Variants in TMEM182 observed in about 807,000 individuals in gnomAD.
TMEM182 encodes the protein transmembrane protein 182.
In TMEM182, 20 loss-of-function variants were observed where a neutral mutation model predicts 26.8. That is an observed-to-expected ratio of 0.75 (90% CI 0.53 to 1.09). TMEM182 has a LOEUF of 1.09. TMEM182 is among the 50% of genes least tolerant of loss of function. The pLI, the probability that TMEM182 is intolerant of heterozygous loss-of-function variation, is 0.00. For missense variants in TMEM182, 277 were observed against 275.5 expected (o/e 1.01, Z -0.04); for synonymous variants, 109 against 102.2 (o/e 1.07, Z -0.40).
intron 3 of TMEM182, among the ~76,000 whole-genome samples, chr2:102,789,954 C>CA (rs1464042050): frequency 6.6e-6 from 1 of 152,172 alleles, no homozygotes; most frequent in Non-Finnish European, 1.5e-5. Flanking sequence ...GAATTGTAGA[C>CA]AAACGCTGAG....
Position 102,815,328 on chromosome 2 carries a change from A to G in TMEM182, c.*360A>G. On this transcript the variant is annotated 3_prime_UTR_variant, in exon 5 of 5. Transcript: ENST00000412401. The stretch of plus-strand genomic sequence containing the variant: ...TTGGCTTAAAGTCTCCTTGGCATTC[A>G]CTTCTGCTAATTAAAAAAAATCCTT... The G allele has an allele frequency of 1.0e-6, 1 of 1,001,818 alleles. No homozygotes were observed. Among genetic ancestry groups the G allele is most frequent in the Non-Finnish European group, 1.2e-6 (1 of 841,258 alleles). The allele number at this position is 1,001,818 out of a possible 1,614,324, so 62.1% of individuals were successfully genotyped here.
intron 3 of TMEM182, among the ~76,000 whole-genome samples, chr2:102,832,442 C>T (rs572336124): frequency 6.6e-6 from 1 of 152,284 alleles, no homozygotes; most frequent in Admixed American, 6.5e-5. Context: ...TGAAGTGTTT[C>T]CTTCCAGGCT....
intron 3 of TMEM182, among the ~76,000 whole-genome samples, chr2:102,840,538 AG>A (rs1683329543): frequency 6.6e-6 from 1 of 152,150 alleles, no homozygotes; most frequent in Non-Finnish European, 1.5e-5. Flanking sequence ...CCTGAGGCAT[AG>A]GGGGTGAGGT....
At chr2:102,799,448 G>A (rs980508702) in intron 4 of TMEM182, among the ~76,000 whole-genome samples, 2 of 152,222 alleles carry the variant, frequency 1.3e-5, no homozygotes, top group African/African-American at 2.4e-5. Context: ...ATTAATTGAA[G>A]AAAAGGCATA....
intron 3 of TMEM182, among the ~76,000 whole-genome samples, chr2:102,794,333 C>A (rs903263994): frequency 6.6e-6 from 1 of 152,144 alleles, no homozygotes; most frequent in African/African-American, 2.4e-5. Context: ...TAACAAATAT[C>A]ATTTAAAGAA....
intron 1 of TMEM182, among the ~76,000 whole-genome samples, chr2:102,751,323 G>A (rs562162776): frequency 3.3e-4 from 50 of 152,218 alleles, no homozygotes; most frequent in African/African-American, 1.1e-3. Flanking sequence ...CATAGTGCAC[G>A]GGGAAGCTGG....
chr2:102,793,183 C>A (rs1379622534), intron 3 of TMEM182, among the ~76,000 whole-genome samples: 2 of 152,180 alleles, frequency 1.3e-5, no homozygotes, highest in African/African-American at 4.8e-5. Context: ...GATTCCAATT[C>A]ATCTTTCAAA....
In TMEM182 at chr2:102,778,302, A is replaced by G. The variant is rs77108319; in HGVS notation, c.331+13875A>G. On this transcript the variant is annotated intron_variant, in intron 3 of 4. Transcript: ENST00000412401. ...TTTGTGGTGAAGTCTTCTTGATCTT[A>G]TATTAATATAGTGACTCCTACATTC... Among the ~76,000 whole-genome samples the G allele has an allele frequency of 2.0e-4, 30 of 151,890 alleles. No individual in the cohort carries two copies. The East Asian group carries it at 5.0e-3, about 25-fold the overall frequency.
At chr2:102,842,875 T>C (rs1366773766) in intron 3 of TMEM182, among the ~76,000 whole-genome samples, 2 of 152,104 alleles carry the variant, frequency 1.3e-5, no homozygotes, top group East Asian at 1.9e-4. Flanking sequence ...ACCCTCCCTT[T>C]GGGTGGTTGC....
intron 3 of TMEM182, among the ~76,000 whole-genome samples, chr2:102,768,160 A>T (rs1310071378): frequency 1.3e-5 from 2 of 152,096 alleles, no homozygotes; most frequent in African/African-American, 2.4e-5. Flanking sequence ...TTATTTACTC[A>T]TGTAATTATC....
At chr2:102,745,845 T>C (rs1381748657) in intron 1 of TMEM182, among the ~76,000 whole-genome samples, 3 of 152,212 alleles carry the variant, frequency 2.0e-5, no homozygotes, top group Admixed American at 6.5e-5. Flanking sequence ...TTTATTTATA[T>C]ATTCATCAGT....
chr2:102,797,713 T>A, intron 3 of TMEM182, 150 bp from the exon 4 acceptor site: 1 of 895,316 alleles, frequency 1.1e-6, no homozygotes, highest in Non-Finnish European at 1.6e-6. Flanking sequence ...GATCTCCTGT[T>A]TGTTCAGACC....
intron 3 of TMEM182, among the ~76,000 whole-genome samples, chr2:102,776,343 A>G (rs76644657): frequency 0.015 from 2,319 of 152,154 alleles, 66 homozygotes; most frequent in African/African-American, 0.053. Flanking sequence ...CTGCCCCCAA[A>G]CCATCGCAAC....
intron 1 of TMEM182, among the ~76,000 whole-genome samples, chr2:102,747,705 C>A (rs536431959): frequency 1.3e-5 from 2 of 152,200 alleles, no homozygotes; most frequent in Non-Finnish European, 2.9e-5. Context: ...GCTAGATAGG[C>A]TGCTAAGTGA....
At chr2:102,790,260 C>G (rs965966921) in intron 3 of TMEM182, among the ~76,000 whole-genome samples, 7 of 152,132 alleles carry the variant, frequency 4.6e-5, no homozygotes, top group Non-Finnish European at 8.8e-5. Context: ...CTGGCAAGGC[C>G]CCTCTTAGAG....
intron 4 of TMEM182, among the ~76,000 whole-genome samples, 164 bp from the exon 5 acceptor site, chr2:102,814,584 A>G (rs1682672545): frequency 6.6e-6 from 1 of 152,198 alleles, no homozygotes; most frequent in Non-Finnish European, 1.5e-5. Flanking sequence ...GAAAGATAAA[A>G]GAAATATCTA....
At chr2:102,793,065 C>T (rs904940996) in intron 3 of TMEM182, among the ~76,000 whole-genome samples, 3 of 152,182 alleles carry the variant, frequency 2.0e-5, no homozygotes, top group African/African-American at 7.2e-5. Context: ...TGAGCCTGGG[C>T]TTCCCTGGCT....
At position 102,816,065 on chromosome 2, in the gene TMEM182, T is replaced by C; in HGVS notation, c.*1097T>C. 1.0e-6 allele frequency: 1 copy of C among 985,392 alleles called. No individual in the cohort carries two copies. Among genetic ancestry groups the C allele is most frequent in the Non-Finnish European group, 1.2e-6 (1 of 829,910 alleles). 61.0% of individuals were successfully genotyped at this position (985,392 alleles called of 1,614,324 possible). On this transcript the variant is annotated 3_prime_UTR_variant, in exon 5 of 5. Transcript: ENST00000412401. ...AGATCGACTATTTCCTTTAACCTCC[T>C]AGAAGAAAGTTTTTGTGGGGAAAGA...
chr2:102,831,662 C>T (rs886873265), intron 3 of TMEM182, among the ~76,000 whole-genome samples: 5 of 152,020 alleles, frequency 3.3e-5, no homozygotes, highest in African/African-American at 1.2e-4. Flanking sequence ...GAGGCTGAGG[C>T]ACGAGAATTG....
Sources: allele counts gnomAD v4.1 joint callset (sites outside exome capture counted in the v4.1 genomes callset), GRCh38; gene constraint gnomAD v4.1.1; transcripts MANE v1.5; gene names NCBI Gene and HGNC (gene_info 2026-07-23, HGNC 2026-07-21).